OR10J1: variants seen among roughly 807,000 people sequenced by gnomAD.
OR10J1 encodes olfactory receptor 10J1.
For synonymous variants in OR10J1, 202 were observed against 143.8 expected, an observed-to-expected ratio of 1.40 and a Z score of -2.89; for missense variants, 474 against 376.6, an observed-to-expected ratio of 1.26 and a Z score of -2.14.
At chr1:159,419,846 G>A in the OR10J1 span, among the ~76,000 whole-genome samples, 1 of 152,062 alleles carries the variant, frequency 6.6e-6, no homozygotes, top group Non-Finnish European at 1.5e-5. Context: ...CGGTTCATTT[G>A]GTTAAATATG....
At chr1:159,423,323 A>G in the OR10J1 span, among the ~76,000 whole-genome samples, 1 of 152,174 alleles carries the variant, frequency 6.6e-6, no homozygotes, top group African/African-American at 2.4e-5. Flanking sequence ...TGACTGTGAC[A>G]ATTCTCTGTG....
At chr1:159,410,527 G>C in the OR10J1 span, among the ~76,000 whole-genome samples, 4 of 152,074 alleles carry the variant, frequency 2.6e-5, no homozygotes, top group Non-Finnish European at 4.4e-5. Flanking sequence ...TTGTATTTCT[G>C]TGGGATTGGT....
chr1:159,439,732 C>T lies in OR10J1; in HGVS notation c.-60C>T, dbSNP rs748912646. ...AATCAATTTCAGAAATGTGCTTCTA[C>T]TGCTTTACTGGGACTATGTGACTTT... On this transcript the variant is annotated 5_prime_UTR_variant, in exon 1 of 1. Coordinates refer to ENST00000423932, the MANE Select transcript of OR10J1 (RefSeq NM_012351.3). The T allele has an allele frequency of 1.3e-6, 2 of 1,598,730 alleles. No individual in the cohort carries two copies. The highest frequency in any genetic ancestry group is 1.7e-6 in the Non-Finnish European group (2 of 1,169,608).
chr1:159,436,663 C>T (rs1045527284), upstream of OR10J1, among the ~76,000 whole-genome samples: 4 of 145,482 alleles, frequency 2.7e-5, no homozygotes, highest in Non-Finnish European at 6.0e-5. Flanking sequence ...AAATGGTTAG[C>T]GGTTTTAAAA....
At chr1:159,408,172 A>G in the OR10J1 span, among the ~76,000 whole-genome samples, 1 of 152,184 alleles carries the variant, frequency 6.6e-6, no homozygotes, top group South Asian at 2.1e-4. Flanking sequence ...GTGGTTACAT[A>G]TGGAGGACCC....
At chr1:159,414,724 CT>C in the OR10J1 span, among the ~76,000 whole-genome samples, 832 of 151,690 alleles carry the variant, frequency 5.5e-3, 9 homozygotes, top group African/African-American at 0.019. Flanking sequence ...TAAGAGTTCC[CT>C]TTTCTTGGCA....
chr1:159,438,429 C>T (rs745785334), upstream of OR10J1, among the ~76,000 whole-genome samples: 18 of 152,188 alleles, frequency 1.2e-4, no homozygotes, highest in African/African-American at 1.7e-4. Flanking sequence ...CAGTTAAAAG[C>T]TCTGCCAAGC....
chr1:159,419,329 G>A, the OR10J1 span, among the ~76,000 whole-genome samples: 1 of 152,138 alleles, frequency 6.6e-6, no homozygotes, highest in Non-Finnish European at 1.5e-5. Context: ...AAACCCAGTG[G>A]GAGGTAATTG....
the OR10J1 span, among the ~76,000 whole-genome samples, chr1:159,422,234 A>T: frequency 2.0e-5 from 3 of 152,064 alleles, no homozygotes; most frequent in African/African-American, 7.2e-5. Context: ...TGGTGCATTC[A>T]GGTATTGGCT....
chr1:159,403,358 G>T, the OR10J1 span, among the ~76,000 whole-genome samples: 1 of 151,982 alleles, frequency 6.6e-6, no homozygotes, highest in Admixed American at 6.6e-5. Flanking sequence ...ATTCTCAAAC[G>T]ATCCACGTGA....
chr1:159,424,017 C>T, the OR10J1 span, among the ~76,000 whole-genome samples: 2 of 152,016 alleles, frequency 1.3e-5, no homozygotes, highest in African/African-American at 4.8e-5. Flanking sequence ...GAGTTCAAGA[C>T]CAGCCTGGCC....
chr1:159,414,254 A>C, the OR10J1 span, among the ~76,000 whole-genome samples: 2 of 152,116 alleles, frequency 1.3e-5, no homozygotes, highest in Middle Eastern at 6.8e-3. Flanking sequence ...TCCTACCCAC[A>C]CACCATTCCT....
At chr1:159,430,790 T>C in the OR10J1 span, among the ~76,000 whole-genome samples, 1 of 152,214 alleles carries the variant, frequency 6.6e-6, no homozygotes, top group African/African-American at 2.4e-5. Flanking sequence ...ATTTGCCTGC[T>C]ATGTATCAGG....
At chr1:159,416,289 C>T in the OR10J1 span, among the ~76,000 whole-genome samples, 1 of 151,904 alleles carries the variant, frequency 6.6e-6, no homozygotes, top group Admixed American at 6.6e-5. Context: ...TCAGGTTTTC[C>T]CCATTCAGTA....
chr1:159,410,986 A>G, the OR10J1 span, among the ~76,000 whole-genome samples: 4 of 152,152 alleles, frequency 2.6e-5, no homozygotes, highest in Admixed American at 6.6e-5. Flanking sequence ...CAGGTTCTTC[A>G]GTTCCCATGT....
At position 159,440,780 on chromosome 1, in the gene OR10J1, T is replaced by A; in HGVS notation, c.*59T>A. On this transcript the variant is annotated 3_prime_UTR_variant, in exon 1 of 1. Coordinates refer to ENST00000423932, the MANE Select transcript of OR10J1 (RefSeq NM_012351.3). ...ATCCACACTAGGCAGGAATATGAGGTGTAAACTCACAAACACTTGGCTCCT... is the reference window on the plus strand; with the variant it reads ...ATCCACACTAGGCAGGAATATGAGGAGTAAACTCACAAACACTTGGCTCCT... 6.5e-6 allele frequency: 10 copies of A among 1,538,012 alleles called. No individual in the cohort carries two copies. Among genetic ancestry groups the A allele is most frequent in the Non-Finnish European group, 8.8e-6 (10 of 1,140,070 alleles).
chr1:159,425,848 A>G, the OR10J1 span, among the ~76,000 whole-genome samples: 1 of 152,054 alleles, frequency 6.6e-6, no homozygotes, highest in African/African-American at 2.4e-5. Context: ...TTTATACAAT[A>G]TAACAGAAAC....
At chr1:159,426,498 A>G in the OR10J1 span, among the ~76,000 whole-genome samples, 1 of 151,930 alleles carries the variant, frequency 6.6e-6, no homozygotes, top group South Asian at 2.1e-4. Flanking sequence ...TGAATGTATA[A>G]GGCCCTAACA....
the OR10J1 span, among the ~76,000 whole-genome samples, chr1:159,399,723 CTG>C: frequency 6.6e-6 from 1 of 151,786 alleles, no homozygotes; most frequent in Non-Finnish European, 1.5e-5. Context: ...CATTGTAACA[CTG>C]TAACTGTTGT....
Sources: allele counts gnomAD v4.1 joint callset (sites outside exome capture counted in the v4.1 genomes callset), GRCh38; gene constraint gnomAD v4.1.1; transcripts MANE v1.5; gene names NCBI Gene and HGNC (gene_info 2026-07-23, HGNC 2026-07-21).